Variants in CHODL observed in about 807,000 individuals in gnomAD.
CHODL encodes transmembrane protein MT75.
A neutral mutation model predicts 34.5 loss-of-function variants in CHODL; 29 were observed. The ratio of observed to expected loss-of-function variants is 0.84; its 90% CI spans 0.63 to 1.15. CHODL has a LOEUF of 1.15. Among genes scored for constraint, CHODL ranks in the 50% most tolerant of loss-of-function variants. CHODL has a pLI of 0.00. For missense variants in CHODL, 332 were observed against 332.5 expected (o/e 1.00, Z 0.01); for synonymous variants, 125 against 116.1 (o/e 1.08, Z -0.49).
At chr21:17,983,024 G>A (rs957890238) in intron 1 of CHODL, among the ~76,000 whole-genome samples, 3 of 151,746 alleles carry the variant, frequency 2.0e-5, no homozygotes, top group Non-Finnish European at 4.4e-5. Flanking sequence ...CGCATTCATC[G>A]CCTACATATG....
At chr21:18,228,677 C>A (rs1042133605) in intron 2 of CHODL, among the ~76,000 whole-genome samples, 1 of 152,116 alleles carries the variant, frequency 6.6e-6, no homozygotes, top group Non-Finnish European at 1.5e-5. Context: ...CTATTATCTG[C>A]CCTGACTCCC....
chr21:18,203,580 T>G (rs764784198), intron 2 of CHODL, among the ~76,000 whole-genome samples: 17 of 152,206 alleles, frequency 1.1e-4, no homozygotes, highest in Non-Finnish European at 2.1e-4. Flanking sequence ...TAATTATACT[T>G]ACAACACTGT....
At chr21:18,061,947 T>G (rs563281760) in intron 2 of CHODL, among the ~76,000 whole-genome samples, 1 of 152,298 alleles carries the variant, frequency 6.6e-6, no homozygotes, top group South Asian at 2.1e-4. Flanking sequence ...CAAAAAGTCC[T>G]TGAATATAGA....
intron 2 of CHODL, among the ~76,000 whole-genome samples, chr21:18,135,118 T>A (rs1358099440): frequency 6.6e-6 from 1 of 152,214 alleles, no homozygotes; most frequent in East Asian, 1.9e-4. Flanking sequence ...GCACTCTCTA[T>A]CTCTCTTTCT....
chr21:18,048,729 T>C lies in CHODL; in HGVS notation c.-45+20758T>C, dbSNP rs183084866. Among the ~76,000 whole-genome samples, 79 of 152,052 alleles carry C rather than the reference T, an allele frequency of 5.2e-4. 2 individuals carry two copies. Among genetic ancestry groups the C allele is most frequent in the Admixed American group, 3.2e-3 (49 of 15,248 alleles). ...TAAGCACTGGAACTGCCCAAACATA[T>C]TGATAATACTATATGCTGAAAATTT... On this transcript the variant is annotated intron_variant, in intron 2 of 6. Transcript: ENST00000400127.
chr21:18,072,486 TAGG>T (rs1204835301), intron 2 of CHODL, among the ~76,000 whole-genome samples: 2 of 152,142 alleles, frequency 1.3e-5, no homozygotes, highest in East Asian at 1.9e-4. Context: ...GACGGGAATT[TAGG>T]AGAAGACTCT....
chr21:18,005,352 T>A lies in CHODL; in HGVS notation c.-144-22520T>A, dbSNP rs907977352. On this transcript the variant is annotated intron_variant, in intron 1 of 6. Transcript: ENST00000400127. The stretch of plus-strand genomic sequence containing the variant: ...CTCTAGAATTGTGTCTGGCACATAG[T>A]AAGTGCTATAAAAGTGTTTGCTTAA... 3.0e-4 allele frequency among the ~76,000 whole-genome samples: 46 copies of A among 152,274 alleles called. 1 individual carries two copies. Among genetic ancestry groups the A allele is most frequent in the Admixed American group, 2.9e-3 (45 of 15,288 alleles).
In CHODL at chr21:17,963,274, C is replaced by T. The variant is rs531507396; in HGVS notation, c.-145+45874C>T. On this transcript the variant is annotated intron_variant, in intron 1 of 6. Transcript: ENST00000400127. ...GTTAGTTGAAACCCTTCTGTTTTGCCGGTAATTACGTAGAAAAATGTTAGA... is the reference window on the plus strand; with the variant it reads ...GTTAGTTGAAACCCTTCTGTTTTGCTGGTAATTACGTAGAAAAATGTTAGA... Among the ~76,000 whole-genome samples, 105 of 152,056 alleles carry T rather than the reference C, an allele frequency of 6.9e-4. 4 individuals are homozygous for T. In the South Asian group the frequency reaches 0.019, roughly 28 times the overall value.
chr21:18,239,080 A>C (rs2074056952), intron 2 of CHODL, among the ~76,000 whole-genome samples: 1 of 152,266 alleles, frequency 6.6e-6, no homozygotes, highest in Non-Finnish European at 1.5e-5. Flanking sequence ...TTTCTGCTGT[A>C]AAGGATCAAG....
chr21:18,171,539 C>T (rs2073232042), intron 2 of CHODL, among the ~76,000 whole-genome samples: 1 of 152,104 alleles, frequency 6.6e-6, no homozygotes, highest in South Asian at 2.1e-4. Flanking sequence ...TTATAAGAGC[C>T]AATTTAAAAT....
chr21:17,920,917 A>C lies in CHODL; in HGVS notation c.-145+3517A>C, dbSNP rs188045440. Among the ~76,000 whole-genome samples, 183 of 152,280 alleles carry C rather than the reference A, an allele frequency of 1.2e-3. 3 individuals carry two copies. The highest frequency in any genetic ancestry group is 3.8e-4 in the Non-Finnish European group (26 of 68,038). ...AGGGAAGTTATATGATCACTTGCCT[A>C]TTTTAGAAAGTTTTGCTGCCACTGT... On this transcript the variant is annotated intron_variant, in intron 1 of 6. Coordinates refer to the CHODL transcript ENST00000400127.
intron 2 of CHODL, among the ~76,000 whole-genome samples, chr21:18,053,015 C>A (rs2824618): frequency 6.6e-6 from 1 of 151,694 alleles, no homozygotes; most frequent in East Asian, 1.9e-4. Context: ...ACACTGTGTG[C>A]ATTTCAATAA....
At chr21:18,104,884 A>T (rs1460137354) in intron 2 of CHODL, among the ~76,000 whole-genome samples, 1 of 152,200 alleles carries the variant, frequency 6.6e-6, no homozygotes, top group Non-Finnish European at 1.5e-5. Flanking sequence ...TCTCATGTGA[A>T]GTAGTAAGTT....
At chr21:18,139,837 C>T (rs950706538) in intron 2 of CHODL, among the ~76,000 whole-genome samples, 2 of 152,064 alleles carry the variant, frequency 1.3e-5, no homozygotes, top group African/African-American at 4.8e-5. Flanking sequence ...GAGTACTCTA[C>T]TTGAAGTTCA....
In CHODL at chr21:18,078,362, A is replaced by G. The variant is rs977272462; in HGVS notation, c.-45+50391A>G. On this transcript the variant is annotated intron_variant, in intron 2 of 6. Transcript: ENST00000400127. Reference sequence around the variant, plus strand: ...TCAGATCTTGTGAGACGTATTCACTATCACAAGAACATCATGGGAAAACCT... The same window carrying G: ...TCAGATCTTGTGAGACGTATTCACTGTCACAAGAACATCATGGGAAAACCT... Among the ~76,000 whole-genome samples, 12 of 152,272 alleles carry G rather than the reference A, an allele frequency of 7.9e-5. 1 individual carries two copies. The Middle Eastern group carries it at 0.014, about 173-fold the overall frequency.
At chr21:18,027,458 G>A (rs1239619015) in intron 1 of CHODL, among the ~76,000 whole-genome samples, 1 of 152,118 alleles carries the variant, frequency 6.6e-6, no homozygotes, top group Non-Finnish European at 1.5e-5. Context: ...ATATTGCTCT[G>A]TAGTTACACA....
chr21:18,174,123 G>GTGTATA (rs2073266599), intron 2 of CHODL, among the ~76,000 whole-genome samples: 1 of 21,568 alleles, frequency 4.6e-5, no homozygotes, highest in East Asian at 5.2e-4. Flanking sequence ...ATATCTTGGT[G>GTGTATA]TATATATATA....
chr21:18,029,157 C>T (rs1011966801), intron 2 of CHODL, among the ~76,000 whole-genome samples: 4 of 152,138 alleles, frequency 2.6e-5, no homozygotes, highest in Non-Finnish European at 5.9e-5. Flanking sequence ...CCAATATCAT[C>T]TCTCCTAAAG....
intron 2 of CHODL, among the ~76,000 whole-genome samples, chr21:18,174,492 A>G (rs1472479384): frequency 6.6e-6 from 1 of 152,134 alleles, no homozygotes; most frequent in African/African-American, 2.4e-5. Context: ...ACTCTTAGCC[A>G]TTAACTTTCA....
Sources: allele counts gnomAD v4.1 joint callset (sites outside exome capture counted in the v4.1 genomes callset), GRCh38; gene constraint gnomAD v4.1.1; transcripts MANE v1.5; gene names NCBI Gene and HGNC (gene_info 2026-07-23, HGNC 2026-07-21).